The following RIPOR2 variants were observed in gnomAD, a reference collection of about 807,000 sequenced individuals.
The protein encoded by RIPOR2 is RHO family interacting cell polarization regulator 2.
RIPOR2 carries 39 observed loss-of-function variants against 114.5 expected under a neutral mutation model. The observed-to-expected ratio is 0.34, with a 90% CI of 0.26 to 0.44. The LOEUF (loss-of-function observed/expected upper bound fraction) is 0.44, where lower values mean the gene tolerates loss of function less well. RIPOR2 is among the 20% of genes least tolerant of loss of function. The pLI, the probability that RIPOR2 is intolerant of heterozygous loss-of-function variation, is 1.00. For synonymous variants in RIPOR2, 445 were observed against 484.4 expected, an observed-to-expected ratio of 0.92 and a Z score of 1.07; for missense variants, 1,007 against 1,255.1, an observed-to-expected ratio of 0.80 and a Z score of 2.99.
chr6:24,886,199 T>A (rs1046635936), intron 1 of RIPOR2, among the ~76,000 whole-genome samples: 3 of 152,320 alleles, frequency 2.0e-5, no homozygotes, highest in Middle Eastern at 3.4e-3. Context: ...TGTATTTATA[T>A]ACATTTCCTC....
chr6:24,874,536 A>C (rs1765531877), intron 2 of RIPOR2, among the ~76,000 whole-genome samples: 1 of 152,202 alleles, frequency 6.6e-6, no homozygotes, highest in Admixed American at 6.5e-5. Context: ...GAAACCTGAA[A>C]GCTCTGTTGG....
At chr6:24,845,512 G>A (rs983345713) in intron 12 of RIPOR2, among the ~76,000 whole-genome samples, 5 of 152,138 alleles carry the variant, frequency 3.3e-5, no homozygotes, top group Admixed American at 2.6e-4. Context: ...ACTGGGTATG[G>A]CAGGGAGATT....
chr6:24,864,736 G>T (rs1481426975), intron 7 of RIPOR2, among the ~76,000 whole-genome samples: 1 of 152,092 alleles, frequency 6.6e-6, no homozygotes, highest in Non-Finnish European at 1.5e-5. Flanking sequence ...TCTGTTCATG[G>T]TTCTTAATCT....
At chr6:24,854,817 C>G (rs1763280109) in intron 8 of RIPOR2, among the ~76,000 whole-genome samples, 1 of 152,064 alleles carries the variant, frequency 6.6e-6, no homozygotes, top group Non-Finnish European at 1.5e-5. Context: ...CACCTGAGGT[C>G]AGGAGTTCCA....
chr6:24,820,675 C>T (rs1759607639), intron 19 of RIPOR2, among the ~76,000 whole-genome samples: 1 of 152,108 alleles, frequency 6.6e-6, no homozygotes, highest in Non-Finnish European at 1.5e-5. Context: ...CAAGGCTCAT[C>T]TAGGTTGAAG....
chr6:24,882,161 G>A (rs2113930805), intron 1 of RIPOR2, among the ~76,000 whole-genome samples: 1 of 152,326 alleles, frequency 6.6e-6, no homozygotes. Flanking sequence ...TGTTTGGAAT[G>A]TCCAGTCTAG....
intron 1 of RIPOR2, among the ~76,000 whole-genome samples, chr6:25,019,055 T>A (rs367617441): frequency 1.2e-3 from 184 of 152,318 alleles, no homozygotes; most frequent in Non-Finnish European, 1.7e-3. Context: ...ATGTGATCAA[T>A]CTCTTTAAAA....
chr6:24,847,896 A>G, intron 12 of RIPOR2, 129 bp downstream of exon 12: 1 of 1,308,924 alleles, frequency 7.6e-7, no homozygotes, highest in Non-Finnish European at 1.1e-6. Flanking sequence ...AGAGAGGAAA[A>G]ACAGAGGAGG....
intron 1 of RIPOR2, among the ~76,000 whole-genome samples, chr6:24,987,382 G>A (rs1425363815): frequency 6.6e-6 from 1 of 152,220 alleles, no homozygotes; most frequent in East Asian, 1.9e-4. Flanking sequence ...AGAGTAGAAA[G>A]AGGTTTAATG....
At chr6:24,893,318 G>C (rs762330779) in intron 1 of RIPOR2, among the ~76,000 whole-genome samples, 3 of 152,172 alleles carry the variant, frequency 2.0e-5, no homozygotes. Flanking sequence ...ATAGCTTAAG[G>C]GTATCAGGAC....
chr6:24,909,308 A>G (rs1769313118), intron 1 of RIPOR2, among the ~76,000 whole-genome samples: 1 of 152,016 alleles, frequency 6.6e-6, no homozygotes, highest in African/African-American at 2.4e-5. Context: ...GATGCTTCCT[A>G]ATTAACCACT....
chr6:24,866,047 A>G (rs1397987949), intron 6 of RIPOR2, among the ~76,000 whole-genome samples: 2 of 152,306 alleles, frequency 1.3e-5, no homozygotes, highest in East Asian at 3.9e-4. Flanking sequence ...TTAGTATTTC[A>G]TAAAGTAACT....
chr6:24,844,964 C>T (rs989852195), intron 12 of RIPOR2, among the ~76,000 whole-genome samples: 1 of 152,016 alleles, frequency 6.6e-6, no homozygotes, highest in Non-Finnish European at 1.5e-5. Flanking sequence ...AAAGGCTCCC[C>T]TTCCTCCTCC....
At chr6:24,971,910 G>C (rs935615885) in intron 1 of RIPOR2, among the ~76,000 whole-genome samples, 1 of 152,032 alleles carries the variant, frequency 6.6e-6, no homozygotes, top group Non-Finnish European at 1.5e-5. Context: ...AATGAGGAGA[G>C]TAATTGTACC....
At chr6:25,027,507 TG>T (rs1425675488) in intron 1 of RIPOR2, among the ~76,000 whole-genome samples, 1 of 152,226 alleles carries the variant, frequency 6.6e-6, no homozygotes, top group African/African-American at 2.4e-5. Flanking sequence ...GAAAAGCGTT[TG>T]GGGTTCAGCT....
chr6:25,019,078 A>AT (rs1411986806), intron 1 of RIPOR2, among the ~76,000 whole-genome samples: 4 of 152,228 alleles, frequency 2.6e-5, no homozygotes, highest in African/African-American at 7.2e-5. Flanking sequence ...TATATTTAGA[A>AT]TAACAAAATA....
intron 1 of RIPOR2, chr6:24,877,369 G>A: frequency 1.0e-6 from 1 of 985,338 alleles, no homozygotes; most frequent in Non-Finnish European, 1.2e-6. Context: ...TACAGGTGCT[G>A]ACTCACTTGG....
intron 1 of RIPOR2, among the ~76,000 whole-genome samples, chr6:24,921,679 TTTATAGGCTTGTC>T (rs1232556411): frequency 6.6e-6 from 1 of 151,052 alleles, no homozygotes; most frequent in African/African-American, 2.4e-5. Context: ...GTACTGTATT[TTTATAGGCTTGTC>T]TATTGTCTGC....
chr6:25,003,419 T>C lies in RIPOR2; in HGVS notation c.76+38432A>G, dbSNP rs935061837. On this transcript the variant is annotated intron_variant, in intron 1 of 13. Transcript: ENST00000510784. ...ATTATTATTATTATTATTATTATTA[T>C]TATTATCATCTCCTTTTTCTTCTTT... Among the ~76,000 whole-genome samples, 280 of 147,432 alleles carry C rather than the reference T, an allele frequency of 1.9e-3. 2 individuals are homozygous for C. Among genetic ancestry groups the C allele is most frequent in the Non-Finnish European group, 3.0e-3 (200 of 66,968 alleles).
Sources: gnomAD v4.1 joint callset for allele counts (sites outside exome capture counted in the v4.1 genomes callset) on GRCh38, gnomAD v4.1.1 for gene constraint, MANE v1.5 for transcripts, NCBI Gene and HGNC (gene_info 2026-07-23, HGNC 2026-07-21) for gene names.